Variants in DNAH5 observed in about 807,000 individuals in gnomAD.
The protein encoded by DNAH5 is axonemal beta dynein heavy chain 5.
A neutral mutation model predicts 518.2 loss-of-function variants in DNAH5; 372 were observed. That is an observed-to-expected ratio of 0.72 (90% CI 0.66 to 0.78). The LOEUF (loss-of-function observed/expected upper bound fraction) is 0.78, where lower values mean the gene tolerates loss of function less well. Among genes scored for constraint, DNAH5 ranks in the 30% least tolerant of loss-of-function variants. The probability of loss-of-function intolerance (pLI) is 0.00; values close to 1 mark genes in which losing one functional copy is unlikely to be tolerated. For missense variants in DNAH5, 5,523 were observed against 5,687.0 expected (o/e 0.97, Z 0.93); for synonymous variants, 2,039 against 2,025.9 (o/e 1.01, Z -0.17).
chr5:13,934,977 T>C (rs1199492530), intron 1 of DNAH5, among the ~76,000 whole-genome samples: 1 of 152,148 alleles, frequency 6.6e-6, no homozygotes, highest in African/African-American at 2.4e-5. Context: ...CAGGGAGAAA[T>C]AAAAGACTTT....
chr5:13,755,501 G>C (rs1200715590), intron 61 of DNAH5, among the ~76,000 whole-genome samples: 1 of 152,182 alleles, frequency 6.6e-6, no homozygotes, highest in East Asian at 1.9e-4. Context: ...AATAATAACA[G>C]AATATGATTA....
intron 55 of DNAH5, among the ~76,000 whole-genome samples, chr5:13,773,248 A>G (rs1379307298): frequency 6.6e-6 from 1 of 152,220 alleles, no homozygotes; most frequent in Non-Finnish European, 1.5e-5. Context: ...ATGTGCAGGT[A>G]AATTATGTAA....
chr5:13,912,309 A>G (rs965390033), intron 11 of DNAH5, among the ~76,000 whole-genome samples: 2 of 152,104 alleles, frequency 1.3e-5, no homozygotes, highest in African/African-American at 4.8e-5. Flanking sequence ...AATAGACAAA[A>G]GTGTATAAAC....
chr5:13,731,505 G>A (rs1314520219), intron 68 of DNAH5, among the ~76,000 whole-genome samples: 2 of 152,172 alleles, frequency 1.3e-5, no homozygotes, highest in Non-Finnish European at 2.9e-5. Context: ...CACAAATAGT[G>A]ATTGTAACTT....
chr5:13,862,201 C>A (rs1031834229), intron 29 of DNAH5, among the ~76,000 whole-genome samples: 2 of 152,070 alleles, frequency 1.3e-5, no homozygotes, highest in Non-Finnish European at 2.9e-5. Flanking sequence ...AGCCGAGTGG[C>A]TAATTATACG....
intron 65 of DNAH5, among the ~76,000 whole-genome samples, chr5:13,739,795 T>C (rs777503344): frequency 3.8e-4 from 58 of 152,214 alleles, no homozygotes; most frequent in Non-Finnish European, 7.3e-4. Context: ...TTAGTGGCTC[T>C]TACAATTATT....
Position 13,692,036 on chromosome 5 carries a change from G to A in DNAH5, c.13823C>T (p.Thr4608Ile). 1 of 1,614,090 alleles carries A rather than the reference G, an allele frequency of 6.2e-7. No homozygotes were observed. The highest frequency in any genetic ancestry group is 1.1e-5 in the South Asian group (1 of 91,080). ...IAAVDLRTAQ[T>I]PEHWVLRGVA... ...CCCACGGAGCACCCAGTGTTCAGGG[G>A]TCTGGGCTGTCCTGAGATCCACAGC... The change falls in exon 79 of 79, where the codon ACC becomes ATC. Residue 4608 changes from threonine (T) to isoleucine (I), a missense_variant. By Grantham distance (89) the Thr-to-Ile change is moderately conservative. This residue lies in a region of DNAH5 where 387 missense variants were observed against 430.0 expected (regional missense o/e 0.90). Transcript: ENST00000265104.
upstream of DNAH5, among the ~76,000 whole-genome samples, chr5:13,949,334 A>G (rs1780186238): frequency 6.6e-6 from 1 of 152,220 alleles, no homozygotes; most frequent in Non-Finnish European, 1.5e-5. Context: ...AACTCACAAT[A>G]AAAAGAAAAA....
chr5:13,951,207 C>T (rs13162119), intron 1 of DNAH5, among the ~76,000 whole-genome samples: 49 of 60,118 alleles, frequency 8.2e-4, no homozygotes, highest in African/African-American at 1.3e-3. Flanking sequence ...TTGTTTTTTT[C>T]GTTTTTTTTT....
At chr5:13,903,295 G>C (rs961993197) in intron 12 of DNAH5, among the ~76,000 whole-genome samples, 4 of 151,826 alleles carry the variant, frequency 2.6e-5, no homozygotes, top group African/African-American at 9.7e-5. Context: ...AAGTATAGCA[G>C]AGAAATAAAG....
At chr5:13,698,554 A>G (rs1741670370) in intron 78 of DNAH5, among the ~76,000 whole-genome samples, 2 of 152,224 alleles carry the variant, frequency 1.3e-5, no homozygotes, top group Non-Finnish European at 2.9e-5. Context: ...GTTGATTACC[A>G]TTGCACTGAA....
chr5:13,898,932 TTTTG>T lies in DNAH5; in HGVS notation c.2259+1270_2259+1273del, dbSNP rs545512625. 762 of 247,246 alleles carry T rather than the reference TTTTG, an allele frequency of 3.1e-3. 4 individuals carry two copies. The highest frequency in any genetic ancestry group is 0.016 in the African/African-American group (725 of 45,008). The allele number at this position is 247,246 out of a possible 1,614,324, so 15.3% of individuals were successfully genotyped here. ...CCCTTGGCTTCCTTTTTTTGTTGTT[TTTTG>T]TTTGTTTGTTTTTTGAGACGGATCT... is the stretch of plus-strand genomic sequence containing the variant. On this transcript the variant is annotated intron_variant, in intron 15 of 78. Transcript: ENST00000265104.
intron 1 of DNAH5, among the ~76,000 whole-genome samples, chr5:13,967,268 G>C (rs1781589138): frequency 6.6e-6 from 1 of 152,202 alleles, no homozygotes; most frequent in Non-Finnish European, 1.5e-5. Flanking sequence ...ATGTCAAGAA[G>C]GGTTTTTCCA....
At chr5:13,960,261 G>T (rs184253365) in intron 1 of DNAH5, among the ~76,000 whole-genome samples, 1 of 152,178 alleles carries the variant, frequency 6.6e-6, no homozygotes, top group Non-Finnish European at 1.5e-5. Context: ...GAGGTGGACC[G>T]TACTGTGTTA....
intron 60 of DNAH5, among the ~76,000 whole-genome samples, chr5:13,760,377 C>T (rs894165417): frequency 6.6e-6 from 1 of 152,186 alleles, no homozygotes; most frequent in Admixed American, 6.5e-5. Flanking sequence ...GAAAAACTAA[C>T]TCCTAGGACT....
chr5:13,720,428 T>C (rs1233817534), intron 71 of DNAH5, among the ~76,000 whole-genome samples: 3 of 152,236 alleles, frequency 2.0e-5, no homozygotes. Context: ...GAAAGTGTCT[T>C]GTTCTGTCAC....
chr5:13,995,131 A>G (rs1157816805), intron 1 of DNAH5, among the ~76,000 whole-genome samples: 3 of 152,088 alleles, frequency 2.0e-5, no homozygotes, highest in African/African-American at 2.4e-5. Flanking sequence ...TTCTCATTTC[A>G]TCTGTGTAGG....
At chr5:13,728,017 T>G (rs575025991) in intron 69 of DNAH5, among the ~76,000 whole-genome samples, 1 of 152,328 alleles carries the variant, frequency 6.6e-6, no homozygotes, top group African/African-American at 2.4e-5. Flanking sequence ...TCTTCTCATG[T>G]CAGGAACCAA....
chr5:13,809,816 G>T (rs1760300190), intron 45 of DNAH5, among the ~76,000 whole-genome samples: 3 of 152,150 alleles, frequency 2.0e-5, no homozygotes, highest in Admixed American at 2.0e-4. Context: ...TTTTTTAAAT[G>T]TTTCTTAATT....
Sources: allele counts gnomAD v4.1 joint callset (sites outside exome capture counted in the v4.1 genomes callset), GRCh38; gene constraint gnomAD v4.1.1; regional missense constraint gnomAD v4.1.1; transcripts MANE v1.5; gene names NCBI Gene and HGNC (gene_info 2026-07-23, HGNC 2026-07-21).